The following TRIM62 variants were observed in gnomAD, a reference collection of about 807,000 sequenced individuals.
TRIM62 encodes tripartite motif containing 62.
In TRIM62, 39 loss-of-function variants were observed where a neutral mutation model predicts 44.2. The observed-to-expected ratio is 0.88, with a 90% CI of 0.68 to 1.15. The LOEUF (loss-of-function observed/expected upper bound fraction) is 1.15, where lower values mean the gene tolerates loss of function less well. Among genes scored for constraint, TRIM62 ranks in the 50% most tolerant of loss-of-function variants. The pLI is 0.00. For missense variants in TRIM62, 544 were observed against 665.5 expected (o/e 0.82, Z 2.01); for synonymous variants, 278 against 292.3 (o/e 0.95, Z 0.50).
Position 33,181,637 on chromosome 1 carries a change from C to T in TRIM62, c.-205G>A, listed in dbSNP as rs1645465371. ...GCGCGGCTGAGACTCCGTGGGACGC[C>T]AGCCCGGGAGGGCAGTCTAGAGGTA... On this transcript the variant is annotated 5_prime_UTR_variant, in exon 1 of 5. Coordinates refer to ENST00000291416, the MANE Select transcript of TRIM62 (RefSeq NM_018207.3). This position sits in a 1 kb window ranked among gnomAD's most constrained non-coding sequence, Gnocchi z 6.5. 2 of 973,738 alleles carry T rather than the reference C, an allele frequency of 2.1e-6. No homozygotes were observed. The highest frequency in any genetic ancestry group is 2.9e-6 in the Non-Finnish European group (2 of 692,252). 60.3% of individuals were successfully genotyped at this position (973,738 alleles called of 1,614,324 possible).
At chr1:33,173,296 G>T (rs1315288165) in intron 1 of TRIM62, among the ~76,000 whole-genome samples, 1 of 152,176 alleles carries the variant, frequency 6.6e-6, no homozygotes, top group East Asian at 1.9e-4. Context: ...CACAGTGCTT[G>T]GTCCATAATG....
At chr1:33,153,200 C>G (rs1375805885) in intron 4 of TRIM62, among the ~76,000 whole-genome samples, 2 of 152,144 alleles carry the variant, frequency 1.3e-5, no homozygotes, top group Non-Finnish European at 2.9e-5. Flanking sequence ...CCCCTCCCAT[C>G]TGGACATAAA....
At chr1:33,164,532 G>C (rs574424641) in intron 2 of TRIM62, 1 of 152,402 alleles carries the variant, frequency 6.6e-6, no homozygotes, top group African/African-American at 2.4e-5. Context: ...AAGTCACACA[G>C]TGAGTTAGTG....
intron 2 of TRIM62, among the ~76,000 whole-genome samples, chr1:33,160,528 C>T (rs1645251224): frequency 6.6e-6 from 1 of 152,070 alleles, no homozygotes; most frequent in South Asian, 2.1e-4. Context: ...CCTCAGCCTC[C>T]CTAGTAGCTG....
At chr1:33,168,819 G>T (rs1433685319) in intron 1 of TRIM62, among the ~76,000 whole-genome samples, 2 of 152,220 alleles carry the variant, frequency 1.3e-5, no homozygotes, top group Admixed American at 1.3e-4. Flanking sequence ...GATGGGCCAA[G>T]TGCTACAATT....
chr1:33,165,290 T>G lies in TRIM62; in HGVS notation c.504+181A>C. 1 of 542,606 alleles carries G rather than the reference T, an allele frequency of 1.8e-6. No individual in the cohort carries two copies. Among genetic ancestry groups the G allele is most frequent in the Non-Finnish European group, 3.3e-6 (1 of 306,716 alleles). The allele number at this position is 542,606 out of a possible 1,614,324, so 33.6% of individuals were successfully genotyped here. On this transcript the variant is annotated intron_variant, in intron 2 of 4. Transcript: ENST00000291416. The surrounding 1 kb of genome is among the most constrained non-coding windows in gnomAD (Gnocchi z 4.0). ...CATGATGGGGTGGGTGCCGCCCCAT[T>G]GAACTTCACGGATGCCCTACCCTCT...
intron 2 of TRIM62, chr1:33,164,312 AG>A (rs1645307973): frequency 6.6e-6 from 1 of 152,250 alleles, no homozygotes; most frequent in African/African-American, 2.4e-5. Context: ...TGACCTCCAG[AG>A]GCCCAGCGCA....
chr1:33,158,176 C>T (rs1240648420), intron 4 of TRIM62, 77 bp downstream of exon 4: 20 of 1,343,230 alleles, frequency 1.5e-5, no homozygotes, highest in Non-Finnish European at 2.1e-5. Context: ...CTGCCCCATG[C>T]TGTGTTTAGG....
At chr1:33,176,129 G>A (rs1368569660) in intron 1 of TRIM62, among the ~76,000 whole-genome samples, 1 of 152,190 alleles carries the variant, frequency 6.6e-6, no homozygotes, top group Admixed American at 6.5e-5. Context: ...TAACAGCAGA[G>A]CCACTTCCCC....
chr1:33,174,968 TACACAC>T (rs1381458815), intron 1 of TRIM62, among the ~76,000 whole-genome samples: 2 of 124,942 alleles, frequency 1.6e-5, no homozygotes, highest in East Asian at 4.2e-4. Flanking sequence ...TATATATATA[TACACAC>T]ATATACATAT....
In TRIM62 at chr1:33,165,743, C is replaced by T. The variant is rs184016624; in HGVS notation, c.409-177G>A. ...TGTAGAGTCTGTCTCCTAAACACCT[C>T]CAGAACCCGTCCGTATCTTTCACCT... On this transcript the variant is annotated intron_variant, in intron 1 of 4. Transcript: ENST00000291416. This position sits in a 1 kb window ranked among gnomAD's most constrained non-coding sequence, Gnocchi z 4.0. 1.5e-5 allele frequency: 7 copies of T among 456,262 alleles called. No individual in the cohort carries two copies. The East Asian group carries it at 2.4e-4, about 16-fold the overall frequency. The allele number at this position is 456,262 out of a possible 1,614,324, so 28.3% of individuals were successfully genotyped here. A position where few individuals can be genotyped will look rare whatever the true frequency, so the allele number is the denominator to read the frequency against.
At chr1:33,150,487 C>A (rs1414165257) in intron 4 of TRIM62, among the ~76,000 whole-genome samples, 1 of 152,224 alleles carries the variant, frequency 6.6e-6, no homozygotes, top group African/African-American at 2.4e-5. Flanking sequence ...TTGCATTTTA[C>A]CCTCTTTGTT....
chr1:33,174,998 C>CGTATTTAT (rs1645405538), intron 1 of TRIM62, among the ~76,000 whole-genome samples: 1 of 40,706 alleles, frequency 2.5e-5, no homozygotes, highest in Non-Finnish European at 4.9e-5. Context: ...TGCACACACA[C>CGTATTTAT]ATGTATGTAT....
chr1:33,170,936 G>A (rs559099065), intron 1 of TRIM62, among the ~76,000 whole-genome samples: 3 of 152,294 alleles, frequency 2.0e-5, no homozygotes, highest in South Asian at 2.1e-4. Context: ...CTGGGTGCTC[G>A]GGAGACAGAG....
In TRIM62 at chr1:33,159,621, C is replaced by G. The variant is rs1331746103; in HGVS notation, c.761+67G>C. ...GCTAAGGATCCCATCTGCCTCCACTCCCACTGCCCAGCATGGGTCGAGGAG... is the reference window on the plus strand; with the variant it reads ...GCTAAGGATCCCATCTGCCTCCACTGCCACTGCCCAGCATGGGTCGAGGAG... On this transcript the variant is annotated intron_variant, in intron 3 of 4. Coordinates refer to ENST00000291416, the MANE Select transcript of TRIM62 (RefSeq NM_018207.3). The surrounding 1 kb of genome is among the most constrained non-coding windows in gnomAD (Gnocchi z 4.2). 5 of 1,531,188 alleles carry G rather than the reference C, an allele frequency of 3.3e-6. No individual in the cohort carries two copies. In the East Asian group the frequency reaches 9.1e-5, roughly 28 times the overall value. 94.9% of individuals were successfully genotyped at this position (1,531,188 alleles called of 1,614,324 possible).
chr1:33,165,416 C>T lies in TRIM62; in HGVS notation c.504+55G>A. The T allele has an allele frequency of 6.7e-7, 1 of 1,485,788 alleles. No homozygotes were observed. Among genetic ancestry groups the T allele is most frequent in the African/African-American group, 1.4e-5 (1 of 71,556 alleles). 92.0% of individuals were successfully genotyped at this position (1,485,788 alleles called of 1,614,324 possible). A position where few individuals can be genotyped will look rare whatever the true frequency, so the allele number is the denominator to read the frequency against. On this transcript the variant is annotated intron_variant, in intron 2 of 4. Coordinates refer to ENST00000291416, the MANE Select transcript of TRIM62 (RefSeq NM_018207.3). This position sits in a 1 kb window ranked among gnomAD's most constrained non-coding sequence, Gnocchi z 4.0. ...CTCTTCCCCAGCTGGCCCCGCCCCT[C>T]GAAGCCCTGCCCTCATCTCTGCCGG... is the stretch of plus-strand genomic sequence containing the variant.
rs932205468 is a variant in TRIM62, at chr1:33,165,116, G to T, written c.504+355C>A. 1 of 189,134 alleles carries T rather than the reference G, an allele frequency of 5.3e-6. No homozygotes were observed. The highest frequency in any genetic ancestry group is 1.1e-5 in the Non-Finnish European group (1 of 91,744). The allele number at this position is 189,134 out of a possible 1,614,324, so 11.7% of individuals were successfully genotyped here. On this transcript the variant is annotated intron_variant, in intron 2 of 4. Transcript: ENST00000291416. This position sits in a 1 kb window ranked among gnomAD's most constrained non-coding sequence, Gnocchi z 4.0. Reference sequence around the variant, plus strand: ...TTGGGCGGTTTTAATAAGGGGAGAGGAGAAAGAGACTGAGCACATTCCCCA... The same window carrying T: ...TTGGGCGGTTTTAATAAGGGGAGAGTAGAAAGAGACTGAGCACATTCCCCA...
Position 33,162,317 on chromosome 1 carries a change from C to A in TRIM62, c.505-2373G>T, listed in dbSNP as rs114686168. Reference sequence around the variant, plus strand: ...TGCCTAGAATGACCCTACCCAAACCCTGTATTCAACTGGCAAACTCCTACT... The same window carrying A: ...TGCCTAGAATGACCCTACCCAAACCATGTATTCAACTGGCAAACTCCTACT... On this transcript the variant is annotated intron_variant, in intron 2 of 4. Transcript: ENST00000291416. 1.3e-3 allele frequency among the ~76,000 whole-genome samples: 196 copies of A among 152,344 alleles called. 1 individual carries two copies. Among genetic ancestry groups the A allele is most frequent in the African/African-American group, 4.6e-3 (191 of 41,580 alleles).
At chr1:33,175,733 C>T (rs1645414045) in intron 1 of TRIM62, among the ~76,000 whole-genome samples, 1 of 152,032 alleles carries the variant, frequency 6.6e-6, no homozygotes, top group African/African-American at 2.4e-5. Flanking sequence ...TGGTACTGAT[C>T]TCAGTCCCAC....
Sources: allele counts gnomAD v4.1 joint callset (sites outside exome capture counted in the v4.1 genomes callset), GRCh38; gene constraint gnomAD v4.1.1; non-coding constraint Gnocchi (gnomAD v3.1); transcripts MANE v1.5; gene names NCBI Gene and HGNC (gene_info 2026-07-23, HGNC 2026-07-21).